ZNF385B: variants seen among roughly 807,000 people sequenced by gnomAD.
The protein encoded by ZNF385B is zinc finger protein 385B, also known as zinc finger protein 533.
In ZNF385B, 23 loss-of-function variants were observed where a neutral mutation model predicts 39.2. That is an observed-to-expected ratio of 0.59 (90% confidence interval 0.42 to 0.83). The LOEUF is 0.83. Among genes scored for constraint, ZNF385B ranks in the 40% least tolerant of loss-of-function variants. The probability of loss-of-function intolerance (pLI) is 0.00; values close to 1 mark genes in which losing one functional copy is unlikely to be tolerated. For synonymous variants in ZNF385B, 205 were observed against 222.6 expected (o/e 0.92, Z 0.70); for missense variants, 552 against 598.9 (o/e 0.92, Z 0.82).
At chr2:179,454,649 T>G (rs916692261) in intron 6 of ZNF385B, among the ~76,000 whole-genome samples, 7 of 152,134 alleles carry the variant, frequency 4.6e-5, no homozygotes, top group Admixed American at 4.6e-4. Context: ...GATGTGGAAG[T>G]GGAGGACAGT....
At chr2:179,856,772 C>T (rs192056614) in intron 1 of ZNF385B, among the ~76,000 whole-genome samples, 1 of 152,276 alleles carries the variant, frequency 6.6e-6, no homozygotes, top group East Asian at 1.9e-4. Flanking sequence ...CTAGCAACTG[C>T]AATCATGTAT....
At chr2:179,497,880 C>T (rs1231201411) in intron 5 of ZNF385B, among the ~76,000 whole-genome samples, 1 of 152,036 alleles carries the variant, frequency 6.6e-6, no homozygotes, top group African/African-American at 2.4e-5. Context: ...AGATATTCCA[C>T]ACTACTGGAA....
intron 3 of ZNF385B, among the ~76,000 whole-genome samples, chr2:179,708,123 T>A (rs1206086857): frequency 6.6e-6 from 1 of 152,204 alleles, no homozygotes; most frequent in Admixed American, 6.5e-5. Context: ...CTGATATGGT[T>A]TGGCTCTGTG....
chr2:179,605,809 T>C (rs952851401), intron 3 of ZNF385B, among the ~76,000 whole-genome samples: 1 of 152,116 alleles, frequency 6.6e-6, no homozygotes, highest in Non-Finnish European at 1.5e-5. Context: ...TATCAAAGAT[T>C]AACAGGATTA....
chr2:179,700,516 G>C (rs1022845839), intron 3 of ZNF385B, among the ~76,000 whole-genome samples: 1 of 152,052 alleles, frequency 6.6e-6, no homozygotes, highest in South Asian at 2.1e-4. Flanking sequence ...GTCATCTTTT[G>C]ATCTTCAGAT....
intron 1 of ZNF385B, among the ~76,000 whole-genome samples, chr2:179,845,712 G>C (rs1348594131): frequency 1.3e-5 from 2 of 152,310 alleles, no homozygotes; most frequent in African/African-American, 4.8e-5. Context: ...AAACTGGCAA[G>C]AGTTTCACTA....
chr2:179,751,004 T>C (rs1702636154), intron 3 of ZNF385B, among the ~76,000 whole-genome samples: 1 of 152,146 alleles, frequency 6.6e-6, no homozygotes, highest in Non-Finnish European at 1.5e-5. Flanking sequence ...TCTAAATCTG[T>C]CATGCAAACC....
intron 3 of ZNF385B, among the ~76,000 whole-genome samples, chr2:179,644,845 T>C (rs1439664525): frequency 1.3e-5 from 2 of 151,874 alleles, no homozygotes; most frequent in African/African-American, 4.8e-5. Context: ...CACAGTGTGT[T>C]TGAAATGGTG....
chr2:179,640,932 A>G (rs1692209673), intron 3 of ZNF385B, among the ~76,000 whole-genome samples: 1 of 152,158 alleles, frequency 6.6e-6, no homozygotes, highest in East Asian at 1.9e-4. Flanking sequence ...TCCGATTTCC[A>G]GTTTCAAAGT....
intron 3 of ZNF385B, among the ~76,000 whole-genome samples, chr2:179,765,452 T>A (rs1315799474): frequency 1.3e-5 from 2 of 152,112 alleles, no homozygotes. Context: ...CAGGTAGCAG[T>A]GTTTATGGCC....
intron 3 of ZNF385B, among the ~76,000 whole-genome samples, chr2:179,594,105 T>TA (rs1446338931): frequency 2.6e-5 from 4 of 152,114 alleles, no homozygotes. Flanking sequence ...AGGCAAAAGT[T>TA]AAAAAAATTC....
chr2:179,676,095 T>A (rs1696736918), intron 3 of ZNF385B, among the ~76,000 whole-genome samples: 1 of 150,492 alleles, frequency 6.6e-6, no homozygotes, highest in Non-Finnish European at 1.5e-5. Context: ...GCCAACAGTA[T>A]TTTTTTTCTT....
intron 3 of ZNF385B, among the ~76,000 whole-genome samples, chr2:179,591,565 T>C (rs1687567212): frequency 6.6e-6 from 1 of 152,210 alleles, no homozygotes. Context: ...ACTTAATCTT[T>C]TCTAAACAGG....
rs553646699 is a variant in ZNF385B, at chr2:179,456,446, G to T, written c.716-9676C>A. Among the ~76,000 whole-genome samples, 28 of 152,144 alleles carry T rather than the reference G, an allele frequency of 1.8e-4. No homozygotes were observed. The South Asian group carries it at 5.8e-3, about 32-fold the overall frequency. ...TATTTATTTTATCACTAAAACAGAA[G>T]AATATTGTTTTGTAAGATTAATGAT... On this transcript the variant is annotated intron_variant, in intron 6 of 9. Coordinates refer to ENST00000410066, the MANE Select transcript of ZNF385B (RefSeq NM_152520.6).
chr2:179,762,751 C>A lies in ZNF385B; in HGVS notation c.298+6752G>T, dbSNP rs1703476032. ...TTCCTCTTCTTCTATTTTCTGAAAG[C>A]AACTGTATAAAATTGGTGTCAGTTT... On this transcript the variant is annotated intron_variant, in intron 3 of 9. Coordinates refer to ENST00000410066, the MANE Select transcript of ZNF385B (RefSeq NM_152520.6). 2.0e-5 allele frequency among the ~76,000 whole-genome samples: 3 copies of A among 152,128 alleles called. No homozygotes were observed. In the South Asian group the frequency reaches 6.2e-4, roughly 31 times the overall value.
intron 3 of ZNF385B, among the ~76,000 whole-genome samples, chr2:179,737,731 A>G (rs1701852544): frequency 6.6e-6 from 1 of 152,170 alleles, no homozygotes; most frequent in Admixed American, 6.6e-5. Context: ...ACCTTTATAT[A>G]TATTATTCTC....
chr2:179,840,893 T>C (rs897995006), intron 1 of ZNF385B, among the ~76,000 whole-genome samples: 38 of 152,358 alleles, frequency 2.5e-4, no homozygotes, highest in Admixed American at 1.1e-3. Flanking sequence ...TGTGAAGCCC[T>C]GGGATAAACA....
rs542758374 is a variant in ZNF385B, at chr2:179,763,295, C to G, written c.298+6208G>C. 3.3e-5 allele frequency among the ~76,000 whole-genome samples: 5 copies of G among 152,298 alleles called. No individual in the cohort carries two copies. The East Asian group carries it at 5.8e-4, about 18-fold the overall frequency. On this transcript the variant is annotated intron_variant, in intron 3 of 9. Coordinates refer to ENST00000410066, the MANE Select transcript of ZNF385B (RefSeq NM_152520.6). ...TTCTCACTTGTCAAATTTATAAACA[C>G]AAGTTTTTAGTATTTGCTTATTATA...
chr2:179,766,066 A>ACACACACACACACG (rs1559174922), intron 3 of ZNF385B, among the ~76,000 whole-genome samples: 1 of 146,706 alleles, frequency 6.8e-6, no homozygotes, highest in African/African-American at 2.7e-5. Context: ...ACACACACAC[A>ACACACACACACACG]GCAGACTGGT....
Sources: allele counts gnomAD v4.1 joint callset (sites outside exome capture counted in the v4.1 genomes callset), GRCh38; gene constraint gnomAD v4.1.1; transcripts MANE v1.5; gene names NCBI Gene and HGNC (gene_info 2026-07-23, HGNC 2026-07-21).